The following PALB2 variants were observed in gnomAD, a reference collection of about 807,000 sequenced individuals.
PALB2 encodes mutant partner and localizer of BRCA2.
Under a neutral mutation model 107.4 loss-of-function variants are expected in PALB2, and 82 were observed. That is an observed-to-expected ratio of 0.76 (90% CI 0.64 to 0.92). The LOEUF (loss-of-function observed/expected upper bound fraction) is 0.92. Ranked by LOEUF, PALB2 falls within the 40% of genes least tolerant of loss-of-function variation. The pLI, the probability that PALB2 is intolerant of heterozygous loss-of-function variation, is 0.00. For synonymous variants in PALB2, 489 were observed against 496.8 expected (o/e 0.98, Z 0.21); for missense variants, 1,374 against 1,379.9 (o/e 1.00, Z 0.07).
intron 11 of PALB2, among the ~76,000 whole-genome samples, chr16:23,608,687 C>CA (rs1390595245): frequency 6.6e-6 from 1 of 151,312 alleles, no homozygotes; most frequent in African/African-American, 2.4e-5. Context: ...TAAGGGTGAC[C>CA]AAAAAAAGAT....
intron 10 of PALB2, among the ~76,000 whole-genome samples, chr16:23,620,757 A>C (rs563962736): frequency 2.3e-4 from 35 of 152,158 alleles, no homozygotes; most frequent in Non-Finnish European, 4.9e-4. Context: ...TTGGTAAGTC[A>C]AGTATATAGT....
intron 12 of PALB2, among the ~76,000 whole-genome samples, chr16:23,606,282 T>C (rs1042676136): frequency 6.6e-6 from 1 of 150,606 alleles, no homozygotes; most frequent in African/African-American, 2.4e-5. Context: ...GGCATGTACC[T>C]GTAGTCCCAG....
chr16:23,621,759 T>G (rs999967783), intron 9 of PALB2, among the ~76,000 whole-genome samples: 1 of 152,222 alleles, frequency 6.6e-6, no homozygotes, highest in Non-Finnish European at 1.5e-5. Flanking sequence ...CCTATCTCAA[T>G]GAATTGCATC....
chr16:23,603,807 G>T, intron 12 of PALB2, 138 bp from the exon 13 acceptor site: 1 of 750,644 alleles, frequency 1.3e-6, no homozygotes, highest in East Asian at 2.7e-5. Flanking sequence ...TACATTTGTA[G>T]CCTTAGAGGT....
At chr16:23,627,264 G>A (rs1200120212) in intron 6 of PALB2, among the ~76,000 whole-genome samples, 1 of 151,576 alleles carries the variant, frequency 6.6e-6, no homozygotes, top group Non-Finnish European at 1.5e-5. Context: ...GAGGCGGGTG[G>A]ATCATGAGGT....
intron 11 of PALB2, among the ~76,000 whole-genome samples, chr16:23,613,017 C>A (rs932011169): frequency 2.0e-5 from 3 of 148,528 alleles, no homozygotes; most frequent in Non-Finnish European, 4.5e-5. Flanking sequence ...CCTCCCAAAG[C>A]GTTTTTTTTT....
rs180177094 is a variant in PALB2 at position 23,635,692 on chromosome 16, G to A, written c.854C>T (p.Ser285Leu). The change falls in exon 4 of 13, where the codon TCA (serine) becomes TTA (leucine). Residue 285 changes from serine (S) to leucine (L), a missense_variant. Ser to Leu is a moderately radical substitution (Grantham distance 145). Transcript: ENST00000261584. Reference protein sequence around the residue: ...THDLKNIRFTSPVSLEAQGKK... With the variant: ...THDLKNIRFTLPVSLEAQGKK... ...GCCTTGTGCCTCCAAACTTACAGGT[G>A]AAGTAAATCTAATGTTTTTTAGGTC... 6.2e-7 allele frequency: 1 copy of A among 1,614,080 alleles called. No individual in the cohort carries two copies. The highest frequency in any genetic ancestry group is 1.6e-4 in the Middle Eastern group (1 of 6,062).
chr16:23,618,684 T>TA (rs1001027183), intron 10 of PALB2, among the ~76,000 whole-genome samples: 13 of 150,186 alleles, frequency 8.7e-5, no homozygotes, highest in African/African-American at 1.5e-4. Flanking sequence ...TAAAAAAATT[T>TA]AAAAAAAAAA....
intron 6 of PALB2, among the ~76,000 whole-genome samples, chr16:23,626,714 C>T (rs1410199800): frequency 3.3e-5 from 5 of 151,998 alleles, no homozygotes; most frequent in Non-Finnish European, 7.4e-5. Context: ...CTTCGCCTCC[C>T]GGGTTCAAGC....
At chr16:23,633,435 G>A (rs140246896) in intron 4 of PALB2, among the ~76,000 whole-genome samples, 1 of 152,154 alleles carries the variant, frequency 6.6e-6, no homozygotes, top group African/African-American at 2.4e-5. Flanking sequence ...ACTAAAATCT[G>A]TGCTATCTGG....
chr16:23,606,590 A>G (rs936113271), intron 12 of PALB2, among the ~76,000 whole-genome samples: 6 of 151,882 alleles, frequency 4.0e-5, no homozygotes, highest in African/African-American at 2.4e-5. Context: ...CAGTGGTACA[A>G]TCTCGGCTCA....
At chr16:23,628,317 G>A (rs929606431) in intron 6 of PALB2, among the ~76,000 whole-genome samples, 1 of 152,190 alleles carries the variant, frequency 6.6e-6, no homozygotes, top group African/African-American at 2.4e-5. Context: ...TATAGAAAAG[G>A]AATCTGGGGC....
At chr16:23,618,681 A>T (rs1198872278) in intron 10 of PALB2, among the ~76,000 whole-genome samples, 12 of 152,198 alleles carry the variant, frequency 7.9e-5, no homozygotes, top group Admixed American at 7.2e-4. Flanking sequence ...GTCTAAAAAA[A>T]TTTAAAAAAA....
rs2142443491 is a variant in PALB2, at chr16:23,636,111, G to A, written c.435C>T (p.Ser145=). 1 of 1,613,488 alleles carries A rather than the reference G, an allele frequency of 6.2e-7. No individual in the cohort carries two copies. Among genetic ancestry groups the A allele is most frequent in the South Asian group, 1.1e-5 (1 of 91,042 alleles). Residue 145 remains serine (S), a synonymous_variant, in exon 4 of 13, where the codon AGC becomes AGT. Coordinates refer to ENST00000261584, the MANE Select transcript of PALB2 (RefSeq NM_024675.4). ...PSGEQKQKLP[S]RRKKQQKRTF... ...TCCTCTTCTGCTGCTTCTTTCTTCT[G>A]CTTGGCAGCTTCTGCTTTTGCTCAC...
In PALB2 at chr16:23,621,351, G is replaced by A. The variant is rs1057522029; in HGVS notation, c.3113+11C>T. 1.9e-6 allele frequency: 3 copies of A among 1,571,330 alleles called. No homozygotes were observed. The highest frequency in any genetic ancestry group is 2.6e-6 in the Non-Finnish European group (3 of 1,141,364). ...AGATGAGGGAACTGAGGACCTAGAGGGAAAGCTTACCAAATAACAATGTTG... is the reference window on the plus strand; with the variant it reads ...AGATGAGGGAACTGAGGACCTAGAGAGAAAGCTTACCAAATAACAATGTTG... On this transcript the variant is annotated intron_variant, in intron 10 of 12. Transcript: ENST00000261584.
At chr16:23,614,186 T>A (rs1312653003) in intron 10 of PALB2, 95 bp from the exon 11 acceptor site, 6 of 893,244 alleles carry the variant, frequency 6.7e-6, no homozygotes, top group Admixed American at 6.3e-5. Flanking sequence ...TCTTAGGAGG[T>A]GACCAGGGAA....
At chr16:23,604,048 C>T (rs1364427591) in intron 12 of PALB2, among the ~76,000 whole-genome samples, 1 of 152,194 alleles carries the variant, frequency 6.6e-6, no homozygotes, top group Non-Finnish European at 1.5e-5. Flanking sequence ...ATCATTCAGG[C>T]CTGTTATGTC....
rs572102702 is a variant in PALB2, at chr16:23,635,804, C to G, written c.742G>C (p.Val248Leu). The change falls in exon 4 of 13, where the codon GTT (valine) becomes CTT (leucine). Residue 248 changes from valine to leucine, a missense_variant. By Grantham distance (32) the Val-to-Leu change is conservative. Transcript: ENST00000261584. Reference protein sequence around the residue: ...RRPNFTRATTVPLQTLSDSGS... With the variant: ...RRPNFTRATTLPLQTLSDSGS... ...CTATCTGATAGAGTCTGTAAAGGAA[C>G]TGTAGTCGCCCTGGTGAAATTAGGT... The G allele has an allele frequency of 1.2e-6, 2 of 1,614,160 alleles. No individual in the cohort carries two copies. Among genetic ancestry groups the G allele is most frequent in the Middle Eastern group, 3.3e-4 (2 of 6,062 alleles).
rs1324112672 is a variant in PALB2 at position 23,637,847 on chromosome 16, T to G, written c.211+3A>C. 1.9e-6 allele frequency: 3 copies of G among 1,605,060 alleles called. No homozygotes were observed. ...CAGGCATAAGTGAATGGTCTAGATT[T>G]ACCTGAGTGTTTTAGCTGCGGTGAG... On this transcript the variant is annotated splice_donor_region_variant and intron_variant, in intron 3 of 12. Transcript: ENST00000261584.
Sources: gnomAD v4.1 joint callset for allele counts (sites outside exome capture counted in the v4.1 genomes callset) on GRCh38, gnomAD v4.1.1 for gene constraint, MANE v1.5 for transcripts, NCBI Gene and HGNC (gene_info 2026-07-23, HGNC 2026-07-21) for gene names.